FRAS1: variants seen among roughly 807,000 people sequenced by gnomAD.
The protein encoded by FRAS1 is extracellular matrix organizing protein FRAS1.
A neutral mutation model predicts 435.2 loss-of-function variants in FRAS1; 290 were observed. That is an observed-to-expected ratio of 0.67 (90% CI 0.61 to 0.73). The LOEUF is 0.73. Among genes scored for constraint, FRAS1 ranks in the 30% least tolerant of loss-of-function variants. FRAS1 has a pLI of 0.00. For synonymous variants in FRAS1, 1,800 were observed against 1,851.0 expected (o/e 0.97, Z 0.71); for missense variants, 4,860 against 5,001.5 (o/e 0.97, Z 0.85).
chr4:78,315,058 T>C (rs345518), intron 15 of FRAS1, among the ~76,000 whole-genome samples: 1 of 151,992 alleles, frequency 6.6e-6, no homozygotes, highest in South Asian at 2.1e-4. Context: ...ATGTTTTAGG[T>C]GGTAAATGAA....
chr4:78,368,433 T>C (rs1731365018), intron 22 of FRAS1, among the ~76,000 whole-genome samples: 1 of 150,836 alleles, frequency 6.6e-6, no homozygotes, highest in African/African-American at 2.5e-5. Flanking sequence ...ACTTTTCCTC[T>C]GACACGTACT....
rs776404090 is a variant in FRAS1, at chr4:78,475,603, C to T, written c.7848C>T (p.Gly2616=). ...PGQQDYVEYA[G]QVQFDEREDT... ...AACAGGACTATGTAGAGTATGCTGGCCAGGTAGGTGGGGTAGTGGGGTTGG... is the reference window on the plus strand; with the variant it reads ...AACAGGACTATGTAGAGTATGCTGGTCAGGTAGGTGGGGTAGTGGGGTTGG... The change falls in exon 54 of 74, where the codon GGC becomes GGT. Residue 2616 remains glycine, a synonymous_variant. Transcript: ENST00000512123. The T allele has an allele frequency of 3.2e-6, 5 of 1,566,206 alleles. No individual in the cohort carries two copies. The African/African-American group carries it at 5.4e-5, about 17-fold the overall frequency.
chr4:78,111,976 A>G (rs1426548160), intron 2 of FRAS1, among the ~76,000 whole-genome samples: 1 of 152,150 alleles, frequency 6.6e-6, no homozygotes, highest in Non-Finnish European at 1.5e-5. Flanking sequence ...GAAAAACTTA[A>G]GAATGTATGT....
intron 2 of FRAS1, among the ~76,000 whole-genome samples, chr4:78,121,762 C>A (rs1719038943): frequency 6.6e-6 from 1 of 152,174 alleles, no homozygotes; most frequent in Non-Finnish European, 1.5e-5. Context: ...TAAAGCAGTG[C>A]AGAAGACTTG....
At chr4:78,388,331 C>CAAAAAAAAAAAAAA (rs71661163) in intron 29 of FRAS1, among the ~76,000 whole-genome samples, 1 of 93,226 alleles carries the variant, frequency 1.1e-5, no homozygotes, top group Non-Finnish European at 2.5e-5. Flanking sequence ...TCTCAAAAAC[C>CAAAAAAAAAAAAAA]AAAAAAAAAA....
At chr4:78,276,514 T>C (rs1358061592) in intron 9 of FRAS1, among the ~76,000 whole-genome samples, 1 of 152,228 alleles carries the variant, frequency 6.6e-6, no homozygotes, top group Non-Finnish European at 1.5e-5. Context: ...CCTTTGCGTT[T>C]ATTAGTTTTC....
intron 20 of FRAS1, among the ~76,000 whole-genome samples, chr4:78,342,584 A>G (rs963237424): frequency 6.6e-6 from 1 of 152,200 alleles, no homozygotes; most frequent in Admixed American, 6.5e-5. Flanking sequence ...CAACAACATT[A>G]ACAGAAAACT....
intron 46 of FRAS1, 59 bp from the exon 47 acceptor site, chr4:78,452,116 A>G: frequency 6.4e-7 from 1 of 1,557,862 alleles, no homozygotes; most frequent in Non-Finnish European, 8.8e-7. Flanking sequence ...CCAGGCCTAG[A>G]ATTAAAGAAA....
intron 2 of FRAS1, chr4:78,181,801 C>T (rs1722016497): frequency 6.8e-6 from 11 of 1,611,996 alleles, no homozygotes; most frequent in Middle Eastern, 2.2e-4. Flanking sequence ...CGCTGCGGGG[C>T]AGCGGGTTCT....
In FRAS1 at chr4:78,200,526, G is replaced by A. The variant is rs185968062; in HGVS notation, c.109-36984G>A. Among the ~76,000 whole-genome samples the A allele has an allele frequency of 4.6e-5, 7 of 152,292 alleles. No individual in the cohort carries two copies. The East Asian group carries it at 9.7e-4, about 21-fold the overall frequency. ...GAAAATAGAGAGCAACTTCTAACAC[G>A]TACTTGGAGGCTGTCTTTCACCTTT... On this transcript the variant is annotated intron_variant, in intron 2 of 73. Transcript: ENST00000512123.
At chr4:78,223,207 G>C (rs367894667) in intron 2 of FRAS1, among the ~76,000 whole-genome samples, 17 of 152,128 alleles carry the variant, frequency 1.1e-4, no homozygotes, top group African/African-American at 4.1e-4. Flanking sequence ...GTTTGGAATG[G>C]GGATGGGCTC....
intron 2 of FRAS1, among the ~76,000 whole-genome samples, chr4:78,088,551 G>A (rs1017685776): frequency 1.3e-5 from 2 of 151,556 alleles, no homozygotes; most frequent in Non-Finnish European, 2.9e-5. Context: ...CTAATACCCA[G>A]AATCTACAAT....
In FRAS1 at chr4:78,379,929, G is replaced by A; in HGVS notation, c.3496G>A (p.Gly1166Ser). ...AAAAGAGGTTCAGCTGGACAAGGCT[G>A]GCCGTTTTAGCTGGAAAGATGTGAA... is the stretch of plus-strand genomic sequence containing the variant. ...NGKEVQLDKAGRFSWKDVNEK... is the reference protein window; with the variant it reads ...NGKEVQLDKASRFSWKDVNEK... The change falls in exon 27 of 74, where the codon GGC becomes AGC. Residue 1166 changes from glycine (G) to serine (S), a missense_variant. Transcript: ENST00000512123. The A allele has an allele frequency of 1.2e-6, 2 of 1,613,830 alleles. No homozygotes were observed. Among genetic ancestry groups the A allele is most frequent in the Non-Finnish European group, 1.7e-6 (2 of 1,179,834 alleles).
intron 2 of FRAS1, among the ~76,000 whole-genome samples, chr4:78,110,249 A>G (rs1386899547): frequency 2.3e-5 from 2 of 86,058 alleles, no homozygotes; most frequent in Non-Finnish European, 4.5e-5. Context: ...GGAAAAAACT[A>G]CTTTAAAGTT....
At chr4:78,266,748 A>T (rs1726377641) in intron 7 of FRAS1, 86 bp from the exon 8 acceptor site, 2 of 949,908 alleles carry the variant, frequency 2.1e-6, no homozygotes, top group Non-Finnish European at 1.7e-6. Context: ...AAATGTAATG[A>T]AAATTGGGTG....
At chr4:78,376,451 G>T (rs1195298306) in intron 26 of FRAS1, among the ~76,000 whole-genome samples, 1 of 152,050 alleles carries the variant, frequency 6.6e-6, no homozygotes, top group Non-Finnish European at 1.5e-5. Flanking sequence ...AATTTTATGG[G>T]ACCACCATCA....
intron 18 of FRAS1, among the ~76,000 whole-genome samples, chr4:78,322,827 C>T (rs549051764): frequency 7.9e-5 from 12 of 152,244 alleles, no homozygotes; most frequent in African/African-American, 2.6e-4. Context: ...GAGTGTCTCC[C>T]GGGTGCCAGG....
At chr4:78,089,394 C>T (rs542080375) in intron 2 of FRAS1, among the ~76,000 whole-genome samples, 55 of 152,050 alleles carry the variant, frequency 3.6e-4, no homozygotes, top group African/African-American at 1.0e-3. Flanking sequence ...CAAACCTGCA[C>T]ATTGTGCACA....
chr4:78,190,573 T>C (rs973881870), intron 2 of FRAS1, among the ~76,000 whole-genome samples: 2 of 151,734 alleles, frequency 1.3e-5, no homozygotes, highest in Non-Finnish European at 2.9e-5. Context: ...CTTCTTTCCT[T>C]CTTTCTTTCC....
Sources: gnomAD v4.1 joint callset for allele counts (sites outside exome capture counted in the v4.1 genomes callset) on GRCh38, gnomAD v4.1.1 for gene constraint, MANE v1.5 for transcripts, NCBI Gene and HGNC (gene_info 2026-07-23, HGNC 2026-07-21) for gene names.